The following SOD2 variants were observed in gnomAD, a reference collection of about 807,000 sequenced individuals.
SOD2 encodes the protein superoxide dismutase 2, also known as superoxide dismutase [Mn], mitochondrial.
SOD2 carries 11 observed loss-of-function variants against 27.0 expected under a neutral mutation model. The observed-to-expected ratio is 0.41, with a 90% CI of 0.26 to 0.67. SOD2 has a LOEUF of 0.67. Ranked by LOEUF, SOD2 falls within the 30% of genes least tolerant of loss-of-function variation. The pLI is 0.34. For synonymous variants in SOD2, 105 were observed against 103.0 expected (o/e 1.02, Z -0.12); for missense variants, 250 against 274.5 (o/e 0.91, Z 0.63).
At chr6:159,747,030 A>G (rs1048035404), upstream of SOD2, among the ~76,000 whole-genome samples, 1 of 152,204 alleles carries the variant, frequency 6.6e-6, no homozygotes, top group African/African-American at 2.4e-5. Context: ...ATGCAGTTGT[A>G]CTAGATTTTT....
At chr6:159,740,553 A>T (rs762648510) in intron 1 of SOD2, among the ~76,000 whole-genome samples, 1 of 152,158 alleles carries the variant, frequency 6.6e-6, no homozygotes, top group Non-Finnish European at 1.5e-5. Flanking sequence ...TCCACTGAAG[A>T]TCTTTCTCTA....
upstream of SOD2, among the ~76,000 whole-genome samples, chr6:159,731,310 A>G (rs1022585250): frequency 1.3e-5 from 2 of 151,876 alleles, no homozygotes; most frequent in Admixed American, 6.6e-5. Context: ...CCAAGAAAAA[A>G]AAAACAAATT....
intron 1 of SOD2, among the ~76,000 whole-genome samples, chr6:159,757,435 G>A (rs80252161): frequency 7.9e-4 from 107 of 136,092 alleles, no homozygotes; most frequent in Admixed American, 6.7e-3. Context: ...TTTTTTTGCC[G>A]AGAGTCTCGC....
intron 1 of SOD2, among the ~76,000 whole-genome samples, chr6:159,743,235 C>T (rs1019583652): frequency 1.3e-5 from 2 of 152,036 alleles, no homozygotes; most frequent in Non-Finnish European, 2.9e-5. Flanking sequence ...TTAGTAGAGA[C>T]GGTGTTTCAC....
At chr6:159,702,654 C>CAAAAAAAA (rs750073120) in intron 1 of SOD2, among the ~76,000 whole-genome samples, 71 of 39,250 alleles carry the variant, frequency 1.8e-3, no homozygotes, top group East Asian at 2.6e-3. Context: ...TCTATCTCTC[C>CAAAAAAAA]AAAAAAAAAA....
intron 1 of SOD2, among the ~76,000 whole-genome samples, chr6:159,739,647 TAGTA>T (rs1228949380): frequency 6.6e-6 from 1 of 152,310 alleles, no homozygotes; most frequent in African/African-American, 2.4e-5. Context: ...TTGCTATGGT[TAGTA>T]AGTTTCTTGA....
intron 1 of SOD2, chr6:159,739,056 C>G (rs1257658893): frequency 6.2e-7 from 1 of 1,606,512 alleles, no homozygotes; most frequent in Non-Finnish European, 8.5e-7. Flanking sequence ...GTAAAATGTT[C>G]TCTGTTCAAA....
intron 1 of SOD2, among the ~76,000 whole-genome samples, chr6:159,717,209 C>T (rs2025190): frequency 0.78 from 119,269 of 152,128 alleles, 47,008 homozygotes; most frequent in South Asian, 0.85. Context: ...CTCTGTTGAC[C>T]AACAGATGCT....
intron 1 of SOD2, among the ~76,000 whole-genome samples, chr6:159,710,511 T>G (rs1225268115): frequency 1.3e-5 from 2 of 152,084 alleles, no homozygotes; most frequent in East Asian, 3.9e-4. Flanking sequence ...TAAATTATAT[T>G]TCTCATTTAC....
intron 1 of SOD2, chr6:159,713,290 A>G (rs1397353565): frequency 1.5e-6 from 1 of 670,976 alleles, no homozygotes. Context: ...ACCCTCCACC[A>G]TAGGGACCCT....
chr6:159,728,627 C>T (rs550395135), upstream of SOD2, among the ~76,000 whole-genome samples: 1 of 152,248 alleles, frequency 6.6e-6, no homozygotes, highest in South Asian at 2.1e-4. Context: ...GATAGATAAA[C>T]ATGTTGTGGA....
At chr6:159,704,411 C>T (rs1282817669) in intron 1 of SOD2, among the ~76,000 whole-genome samples, 3 of 152,198 alleles carry the variant, frequency 2.0e-5, no homozygotes, top group Non-Finnish European at 4.4e-5. Context: ...CCTGGAAAAT[C>T]GGTTCACTCC....
chr6:159,700,640 G>A lies in SOD2; in HGVS notation c.-115-7777C>T, dbSNP rs558526738. On this transcript the variant is annotated intron_variant, in intron 1 of 2. Coordinates refer to the SOD2 transcript ENST00000401980. ...CTGCACTCCAGTCTTGGTGACGTGC[G>A]AGACTCTGTCTCAAAAAAAAAAAAA... Among the ~76,000 whole-genome samples, 10 of 133,644 alleles carry A rather than the reference G, an allele frequency of 7.5e-5. No individual in the cohort carries two copies. The East Asian group carries it at 2.0e-3, about 26-fold the overall frequency. 87.7% of individuals were successfully genotyped at this position (133,644 alleles called of 152,430 possible).
rs1194059230 is a variant in SOD2, at chr6:159,673,224, G to T, written c.*9269C>A. On this transcript the variant is annotated 3_prime_UTR_variant, in exon 5 of 5. Coordinates refer to ENST00000538183, the MANE Select transcript of SOD2 (RefSeq NM_000636.4). ...AAGTTAACAAGGATATCCAGGAATT[G>T]AATTCAGCTCTGCACCAAGCAGACC... is the stretch of plus-strand genomic sequence containing the variant. The T allele has an allele frequency of 6.6e-6, 1 of 152,130 alleles. No homozygotes were observed. The highest frequency in any genetic ancestry group is 1.5e-5 in the Non-Finnish European group (1 of 68,028). The allele number at this position is 152,130 out of a possible 1,614,324, so 9.4% of individuals were successfully genotyped here.
intron 1 of SOD2, among the ~76,000 whole-genome samples, chr6:159,720,093 C>T (rs1372165677): frequency 2.0e-5 from 3 of 150,760 alleles, no homozygotes; most frequent in Non-Finnish European, 4.4e-5. Flanking sequence ...TGCAGTGGCA[C>T]GATCTCAGCT....
chr6:159,709,426 A>G (rs541603016), intron 1 of SOD2, among the ~76,000 whole-genome samples: 1 of 152,310 alleles, frequency 6.6e-6, no homozygotes, highest in South Asian at 2.1e-4. Context: ...ACAAGAAAAA[A>G]ACAAACAACC....
intron 1 of SOD2, among the ~76,000 whole-genome samples, chr6:159,699,812 C>A (rs1054042676): frequency 4.6e-5 from 7 of 152,058 alleles, no homozygotes; most frequent in Admixed American, 4.6e-4. Flanking sequence ...GGGCTGCACT[C>A]CACACTGTAC....
At chr6:159,730,543 G>GAACC, upstream of SOD2, among the ~76,000 whole-genome samples, 1 of 152,308 alleles carries the variant, frequency 6.6e-6, no homozygotes, top group African/African-American at 2.4e-5. Flanking sequence ...CCAAATAGTT[G>GAACC]AATGTTGTAG....
At position 159,692,691 on chromosome 6, in the gene SOD2, C is replaced by T. The variant is rs767598315; in HGVS notation, c.196G>A (p.Glu66Lys). The change falls in exon 2 of 5, where the codon GAG becomes AAG. Residue 66 changes from glutamate (E) to lysine (K), a missense_variant. Glu to Lys is a moderately conservative substitution (Grantham distance 56, BLOSUM62 1). Coordinates refer to ENST00000538183, the MANE Select transcript of SOD2 (RefSeq NM_000636.4). ...AAYVNNLNVT[E>K]EKYQEALAKG... ...GCCAACGCCTCCTGGTACTTCTCCT[C>T]GGTGACGTTCAGGTTGTTCACGTAG... The T allele has an allele frequency of 1.4e-5, 23 of 1,613,994 alleles. No homozygotes were observed. Among genetic ancestry groups the T allele is most frequent in the East Asian group, 2.2e-5 (1 of 44,876 alleles).
Sources: allele counts gnomAD v4.1 joint callset (sites outside exome capture counted in the v4.1 genomes callset), GRCh38; gene constraint gnomAD v4.1.1; transcripts MANE v1.5; gene names NCBI Gene and HGNC (gene_info 2026-07-23, HGNC 2026-07-21).